NF1: variants seen among roughly 807,000 people sequenced by gnomAD.
The protein encoded by NF1 is neurofibromin.
A neutral mutation model predicts 325.7 loss-of-function variants in NF1; 122 were observed. The observed-to-expected ratio is 0.37, with a 90% confidence interval of 0.32 to 0.44. NF1 has a LOEUF of 0.44. NF1 is among the 20% of genes least tolerant of loss of function. The pLI, the probability that NF1 is intolerant of heterozygous loss-of-function variation, is 1.00. For synonymous variants in NF1, 1,091 were observed against 1,186.0 expected (o/e 0.92, Z 1.65); for missense variants, 2,140 against 3,415.4 (o/e 0.63, Z 9.31).
chr17:31,293,770 C>T (rs908762581), intron 36 of NF1, among the ~76,000 whole-genome samples: 12 of 152,206 alleles, frequency 7.9e-5, no homozygotes, highest in Admixed American at 6.5e-5. Flanking sequence ...ACATTTGTGT[C>T]TCACCCATCT....
intron 36 of NF1, among the ~76,000 whole-genome samples, chr17:31,322,866 C>A (rs1310404537): frequency 1.3e-5 from 2 of 152,048 alleles, no homozygotes; most frequent in Non-Finnish European, 2.9e-5. Context: ...GGATCAGTTT[C>A]TTTTTCCCTG....
At chr17:31,342,167 A>G (rs1249677891) in intron 47 of NF1, among the ~76,000 whole-genome samples, 2 of 152,230 alleles carry the variant, frequency 1.3e-5, no homozygotes, top group African/African-American at 4.8e-5. Flanking sequence ...TAAGAAGTTA[A>G]GTAACTTGCC....
intron 36 of NF1, among the ~76,000 whole-genome samples, chr17:31,277,986 G>A (rs1309311625): frequency 1.3e-5 from 2 of 152,094 alleles, no homozygotes; most frequent in African/African-American, 4.8e-5. Context: ...AAATCACCAG[G>A]CATGGTGGGA....
intron 50 of NF1, among the ~76,000 whole-genome samples, chr17:31,350,864 A>AT (rs1219534504): frequency 1.3e-5 from 2 of 152,010 alleles, no homozygotes; most frequent in East Asian, 3.9e-4. Flanking sequence ...TCATTGGGGG[A>AT]TTTTTCTGTA....
At position 31,132,847 on chromosome 17, in the gene NF1, A is replaced by G. The variant is rs139976385; in HGVS notation, c.61-23136A>G. ...ATGCCCGGCTAATTTTTGTATTTTTAGTAGAGATGGGATTTCACCATTTTG... is the reference window on the plus strand; with the variant it reads ...ATGCCCGGCTAATTTTTGTATTTTTGGTAGAGATGGGATTTCACCATTTTG... On this transcript the variant is annotated intron_variant, in intron 1 of 57. Transcript: ENST00000358273. Among the ~76,000 whole-genome samples, 102 of 152,020 alleles carry G rather than the reference A, an allele frequency of 6.7e-4. 2 individuals carry two copies. In the East Asian group the frequency reaches 0.018, roughly 26 times the overall value.
rs1187343012 is a variant in NF1 at position 31,156,205 on chromosome 17, G to T, written c.204+79G>T. ...TAAAAAGTTTAGAACAGCATATTTT[G>T]AAGTATGGAAAGTGATTTTCTGTGG... On this transcript the variant is annotated intron_variant, in intron 2 of 57. Transcript: ENST00000358273. The T allele has an allele frequency of 5.3e-6, 8 of 1,518,658 alleles. No individual in the cohort carries two copies. The African/African-American group carries it at 8.2e-5, about 16-fold the overall frequency. 94.1% of individuals were successfully genotyped at this position (1,518,658 alleles called of 1,614,324 possible).
chr17:31,244,842 G>A (rs146401473), intron 29 of NF1, among the ~76,000 whole-genome samples: 23 of 152,236 alleles, frequency 1.5e-4, no homozygotes, highest in African/African-American at 5.3e-4. Context: ...GTTCAAGTTG[G>A]TGTTCCAATA....
In NF1 at chr17:31,270,895, C is replaced by G. The variant is rs145728603; in HGVS notation, c.4835+5556C>G. On this transcript the variant is annotated intron_variant, in intron 36 of 57. Coordinates refer to ENST00000358273, the MANE Select transcript of NF1 (RefSeq NM_001042492.3). ...ATCAGAATGATCTGGAACATTAAAA[C>G]AAACATATCCCCAGCCCCCATTTCC... is the stretch of plus-strand genomic sequence containing the variant. Among the ~76,000 whole-genome samples the G allele has an allele frequency of 3.6e-3, 543 of 152,234 alleles. 6 individuals carry two copies. Among genetic ancestry groups the G allele is most frequent in the African/African-American group, 0.012 (516 of 41,564 alleles).
chr17:31,273,527 G>A (rs1189655090), intron 36 of NF1: 3 of 152,150 alleles, frequency 2.0e-5, no homozygotes, highest in African/African-American at 7.2e-5. Flanking sequence ...TATATTAAAA[G>A]TTACATTTGG....
intron 57 of NF1, among the ~76,000 whole-genome samples, chr17:31,372,579 A>G (rs2070664147): frequency 6.6e-6 from 1 of 152,234 alleles, no homozygotes; most frequent in South Asian, 2.1e-4. Flanking sequence ...AGCCATCCTC[A>G]TGCCCCCTTA....
intron 2 of NF1, among the ~76,000 whole-genome samples, chr17:31,158,458 T>C (rs186131842): frequency 2.6e-5 from 4 of 152,324 alleles, no homozygotes; most frequent in African/African-American, 9.6e-5. Flanking sequence ...CCCAGTTATA[T>C]TGAAATATTT....
intron 1 of NF1, among the ~76,000 whole-genome samples, chr17:31,119,620 C>T (rs1387306093): frequency 6.6e-6 from 1 of 152,098 alleles, no homozygotes; most frequent in East Asian, 1.9e-4. Context: ...TTAATTAGAT[C>T]CCATTTGTCA....
chr17:31,256,992 A>G (rs1271765602), intron 31 of NF1, among the ~76,000 whole-genome samples: 1 of 152,240 alleles, frequency 6.6e-6, no homozygotes, highest in African/African-American at 2.4e-5. Flanking sequence ...TTTTGAGGTT[A>G]TAAGCAGTGA....
In NF1 at chr17:31,301,382, A is replaced by G. The variant is rs8077869; in HGVS notation, c.4836-24438A>G. Reference sequence around the variant, plus strand: ...TTTCTTTTTTCCAGATGTCTATCCAATTGTTCCAATGCTTGTTTCCACTGA... The same window carrying G: ...TTTCTTTTTTCCAGATGTCTATCCAGTTGTTCCAATGCTTGTTTCCACTGA... On this transcript the variant is annotated intron_variant, in intron 36 of 57. Transcript: ENST00000358273. 2.9e-3 allele frequency among the ~76,000 whole-genome samples: 435 copies of G among 152,224 alleles called. 1 individual carries two copies. Among genetic ancestry groups the G allele is most frequent in the African/African-American group, 9.7e-3 (405 of 41,548 alleles).
intron 25 of NF1, among the ~76,000 whole-genome samples, 172 bp downstream of exon 25, chr17:31,232,361 C>G (rs878916721): frequency 6.6e-6 from 1 of 151,468 alleles, no homozygotes; most frequent in Non-Finnish European, 1.5e-5. Flanking sequence ...ATAATAAAAC[C>G]CAGATTGCTT....
intron 36 of NF1, among the ~76,000 whole-genome samples, chr17:31,293,288 C>G (rs2068389565): frequency 6.8e-6 from 1 of 146,674 alleles, no homozygotes; most frequent in South Asian, 2.3e-4. Context: ...TAGGGATTAT[C>G]TAAGCAATTA....
chr17:31,225,235 AG>A lies in NF1; in HGVS notation c.1989del (p.Asn664ThrfsTer24), dbSNP rs1202226733. On this transcript the variant is annotated frameshift_variant, in exon 17 of 58. Coordinates refer to ENST00000358273, the MANE Select transcript of NF1 (RefSeq NM_001042492.3). LOFTEE classifies it high-confidence loss of function. ...CTGGAGCCTCTCTCCGGAAGGGAAA[AG>A]GGAACTCCTCTATGGTCAGCTTCTT... Reference protein sequence around the residue: ...TPGASLRKGKGNSSMDSAAGC... With the variant: ...TPGASLRKGKXNSSMDSAAGC... The A allele has an allele frequency of 6.2e-7, 1 of 1,613,574 alleles. No homozygotes were observed. The highest frequency in any genetic ancestry group is 8.5e-7 in the Non-Finnish European group (1 of 1,179,696).
intron 8 of NF1, among the ~76,000 whole-genome samples, chr17:31,196,758 A>G (rs1389377255): frequency 3.3e-5 from 5 of 152,112 alleles, no homozygotes; most frequent in Admixed American, 6.5e-5. Flanking sequence ...TTGCATGTGG[A>G]TAATCAGTTT....
At chr17:31,120,875 T>C (rs1384879988) in intron 1 of NF1, among the ~76,000 whole-genome samples, 1 of 152,138 alleles carries the variant, frequency 6.6e-6, no homozygotes, top group Non-Finnish European at 1.5e-5. Flanking sequence ...TTTGTGATTG[T>C]TTCAAATCAA....
Sources: gnomAD v4.1 joint callset for allele counts (sites outside exome capture counted in the v4.1 genomes callset) on GRCh38, gnomAD v4.1.1 for gene constraint, MANE v1.5 for transcripts, NCBI Gene and HGNC (gene_info 2026-07-23, HGNC 2026-07-21) for gene names.